The following TFEB variants were observed in gnomAD, a reference collection of about 807,000 sequenced individuals.
The protein encoded by TFEB is transcription factor EB, also known as T-cell transcription factor EB.
A neutral mutation model predicts 48.0 loss-of-function variants in TFEB; 12 were observed. The ratio of observed to expected loss-of-function variants is 0.25; its 90% CI spans 0.16 to 0.40. The LOEUF is 0.40. Among genes scored for constraint, TFEB ranks in the 10% least tolerant of loss-of-function variants. The pLI, the probability that TFEB is intolerant of heterozygous loss-of-function variation, is 1.00. For missense variants in TFEB, 509 were observed against 640.3 expected, an observed-to-expected ratio of 0.79 and a Z score of 2.21; for synonymous variants, 244 against 261.4, an observed-to-expected ratio of 0.93 and a Z score of 0.64.
At chr6:41,715,520 A>T (rs752555596) in intron 1 of TFEB, among the ~76,000 whole-genome samples, 3 of 152,138 alleles carry the variant, frequency 2.0e-5, no homozygotes, top group Non-Finnish European at 4.4e-5. Flanking sequence ...AATTACAAAA[A>T]TTAGCCGGGT....
At chr6:41,709,939 A>T (rs889220785) in intron 1 of TFEB, among the ~76,000 whole-genome samples, 2 of 151,986 alleles carry the variant, frequency 1.3e-5, no homozygotes, top group Non-Finnish European at 2.9e-5. Context: ...AGTGTGTGCC[A>T]CTATGCCCCC....
At chr6:41,728,381 G>A (rs1296789520) in intron 1 of TFEB, among the ~76,000 whole-genome samples, 1 of 152,156 alleles carries the variant, frequency 6.6e-6, no homozygotes, top group Non-Finnish European at 1.5e-5. Context: ...GCTGCCCTCT[G>A]ACACCCCCAG....
At position 41,691,024 on chromosome 6, in the gene TFEB, G is replaced by C; in HGVS notation, c.190C>G (p.Pro64Ala). 1.3e-6 allele frequency: 2 copies of C among 1,576,380 alleles called. No homozygotes were observed. The highest frequency in any genetic ancestry group is 1.7e-6 in the Non-Finnish European group (2 of 1,159,322). Residue 64 changes from proline (P) to alanine (A), a missense_variant, in exon 2 of 9, where the codon CCT becomes GCT. By Grantham distance (27) the Pro-to-Ala change is conservative. Transcript: ENST00000373033. This position sits in a 1 kb window ranked among gnomAD's most constrained non-coding sequence, Gnocchi z 5.2. Reference protein sequence around the residue: ...NTPVHFQSPPPVPGEVLKVQS... With the variant: ...NTPVHFQSPPAVPGEVLKVQS... ...ACCTTCAACACCTCCCCAGGCACAGGTGGTGGCGACTGGAAGTGGACGGGG... is the reference window on the plus strand; with the variant it reads ...ACCTTCAACACCTCCCCAGGCACAGCTGGTGGCGACTGGAAGTGGACGGGG...
At chr6:41,709,739 T>G (rs746908182) in intron 1 of TFEB, among the ~76,000 whole-genome samples, 2 of 152,120 alleles carry the variant, frequency 1.3e-5, no homozygotes, top group Admixed American at 6.5e-5. Flanking sequence ...AGGCACTAGT[T>G]GTCTGCATCG....
chr6:41,710,860 C>G (rs950700902), intron 1 of TFEB, among the ~76,000 whole-genome samples: 1 of 152,174 alleles, frequency 6.6e-6, no homozygotes, highest in African/African-American at 2.4e-5. Context: ...CTCCTCCTCC[C>G]GACAGCACAC....
chr6:41,684,572 T>C lies in TFEB; in HGVS notation c.*27A>G. 1 of 1,524,924 alleles carries C rather than the reference T, an allele frequency of 6.6e-7. No individual in the cohort carries two copies. Among genetic ancestry groups the C allele is most frequent in the Non-Finnish European group, 8.8e-7 (1 of 1,137,994 alleles). 94.5% of individuals were successfully genotyped at this position (1,524,924 alleles called of 1,614,324 possible). On this transcript the variant is annotated 3_prime_UTR_variant, in exon 9 of 9. Coordinates refer to ENST00000373033, the MANE Select transcript of TFEB (RefSeq NM_001271944.2). Reference sequence around the variant, plus strand: ...CCCTCCCAGCCCCCAGGCCGGCCCCTGTTCCCTGGCACAGGGGCAGCCAGG... The same window carrying C: ...CCCTCCCAGCCCCCAGGCCGGCCCCCGTTCCCTGGCACAGGGGCAGCCAGG...
intron 7 of TFEB, 193 bp from the exon 8 acceptor site, chr6:41,686,430 T>C (rs2127445607): frequency 1.7e-6 from 1 of 582,356 alleles, no homozygotes; most frequent in South Asian, 2.6e-5. Context: ...CACTGCCCAC[T>C]TCATTAATCT....
rs1404706934 is a variant in TFEB at position 41,686,216 on chromosome 6, G to T, written c.825C>A (p.Gly275=). The part of the protein sequence containing the change: ...ANDLDVRWNK[G]TILKASVDYI... ...AATCCACAGAGGCCTTGAGGATGGT[G>T]CCCTTGTTCCAGCGCACGTCCCTGC... Residue 275 remains glycine (G), a synonymous_variant, in exon 8 of 9, where the codon GGC becomes GGA. Transcript: ENST00000373033. The T allele has an allele frequency of 1.2e-6, 2 of 1,614,236 alleles. No individual in the cohort carries two copies. Among genetic ancestry groups the T allele is most frequent in the African/African-American group, 1.3e-5 (1 of 75,072 alleles).
At chr6:41,705,190 G>A (rs974740963) in intron 1 of TFEB, among the ~76,000 whole-genome samples, 1 of 152,184 alleles carries the variant, frequency 6.6e-6, no homozygotes, top group African/African-American at 2.4e-5. Flanking sequence ...TGCTCCGCAG[G>A]AGGCCTGGGA....
chr6:41,731,774 C>A (rs532090542), intron 1 of TFEB, among the ~76,000 whole-genome samples: 1 of 152,222 alleles, frequency 6.6e-6, no homozygotes, highest in African/African-American at 2.4e-5. Flanking sequence ...CTGCACTGTA[C>A]GTTAATGGAC....
At chr6:41,687,505 TG>T (rs937496185) in intron 6 of TFEB, among the ~76,000 whole-genome samples, 7 of 152,144 alleles carry the variant, frequency 4.6e-5, no homozygotes, top group African/African-American at 7.2e-5. Flanking sequence ...CCTGATAAAC[TG>T]GGGGTTTCAT....
At position 41,686,539 on chromosome 6, in the gene TFEB, C is replaced by T. The variant is rs984602643; in HGVS notation, c.804-302G>A. ...TTTTTTTTTTTTTTTGAGATGGAGTCTCGTTCTGTTGCCCAGGCTGGAATG... is the reference window on the plus strand; with the variant it reads ...TTTTTTTTTTTTTTTGAGATGGAGTTTCGTTCTGTTGCCCAGGCTGGAATG... On this transcript the variant is annotated intron_variant, in intron 7 of 8. Coordinates refer to ENST00000373033, the MANE Select transcript of TFEB (RefSeq NM_001271944.2). The T allele has an allele frequency of 1.1e-5, 3 of 262,956 alleles. No homozygotes were observed. In the Admixed American group the frequency reaches 1.8e-4, roughly 16 times the overall value. 16.3% of individuals were successfully genotyped at this position (262,956 alleles called of 1,614,324 possible). A position where few individuals can be genotyped will look rare whatever the true frequency, so the allele number is the denominator to read the frequency against.
At chr6:41,694,846 G>A (rs1013998519) in intron 1 of TFEB, among the ~76,000 whole-genome samples, 1 of 151,928 alleles carries the variant, frequency 6.6e-6, no homozygotes, top group African/African-American at 2.4e-5. Context: ...CACTTCCCTG[G>A]AGAGCCTTCT....
rs76432871 is a variant in TFEB at position 41,724,664 on chromosome 6, C to T, written c.-23+10686G>A. On this transcript the variant is annotated intron_variant, in intron 1 of 8. Coordinates refer to ENST00000373033, the MANE Select transcript of TFEB (RefSeq NM_001271944.2). This position sits in a 1 kb window ranked among gnomAD's most constrained non-coding sequence, Gnocchi z 4.4. Reference sequence around the variant, plus strand: ...CTGCAATGGGGCCTCAGATAAGGAACATGATAAATACCTCTTATCACCCCC... The same window carrying T: ...CTGCAATGGGGCCTCAGATAAGGAATATGATAAATACCTCTTATCACCCCC... Among the ~76,000 whole-genome samples the T allele has an allele frequency of 0.11, 16,321 of 152,212 alleles. 1,057 individuals carry two copies. Among genetic ancestry groups the T allele is most frequent in the East Asian group, 0.22 (1,158 of 5,162 alleles).
At chr6:41,716,396 C>A (rs138788850) in intron 1 of TFEB, among the ~76,000 whole-genome samples, 16 of 151,736 alleles carry the variant, frequency 1.1e-4, no homozygotes, top group Admixed American at 3.3e-4. Context: ...GCCAACTGGA[C>A]CCCTGAGGGG....
At chr6:41,716,943 C>T (rs1029999521) in intron 1 of TFEB, among the ~76,000 whole-genome samples, 2 of 152,020 alleles carry the variant, frequency 1.3e-5, no homozygotes, top group African/African-American at 2.4e-5. Flanking sequence ...TCGGCATGCC[C>T]GCGTGCACCC....
At chr6:41,729,080 C>A (rs909776474) in intron 1 of TFEB, among the ~76,000 whole-genome samples, 4 of 152,000 alleles carry the variant, frequency 2.6e-5, no homozygotes, top group African/African-American at 9.7e-5. Context: ...ACACCAATCT[C>A]GCCCCCACTC....
In TFEB at chr6:41,686,229, C is replaced by T. The variant is rs1395304773; in HGVS notation, c.812G>A (p.Arg271His). Residue 271 changes from arginine to histidine, a missense_variant, in exon 8 of 9, where the codon CGC becomes CAC. By Grantham distance (29) the Arg-to-His change is conservative (BLOSUM62 0). Transcript: ENST00000373033. ...CTTGAGGATGGTGCCCTTGTTCCAG[C>T]GCACGTCCCTGCAGCAGCAGGCCAG... The part of the protein sequence containing the change: ...LIPKANDLDV[R>H]WNKGTILKAS... The T allele has an allele frequency of 1.2e-6, 2 of 1,614,076 alleles. No individual in the cohort carries two copies. The highest frequency in any genetic ancestry group is 1.7e-6 in the Non-Finnish European group (2 of 1,179,934).
rs1581947013 is a variant in TFEB, at chr6:41,735,440, C to T, written c.-113G>A. 4.1e-6 allele frequency: 4 copies of T among 985,156 alleles called. No homozygotes were observed. The East Asian group carries it at 4.5e-4, about 112-fold the overall frequency. 61.0% of individuals were successfully genotyped at this position (985,156 alleles called of 1,614,324 possible). ...GGGTGCCTGGCCCGCAAGCTGTGCC[C>T]GCCACCTGCTCCCGGCCTGCTCCGG... On this transcript the variant is annotated 5_prime_UTR_variant, in exon 1 of 9. Coordinates refer to ENST00000373033, the MANE Select transcript of TFEB (RefSeq NM_001271944.2).
Sources: allele counts gnomAD v4.1 joint callset (sites outside exome capture counted in the v4.1 genomes callset), GRCh38; gene constraint gnomAD v4.1.1; non-coding constraint Gnocchi (gnomAD v3.1); transcripts MANE v1.5; gene names NCBI Gene and HGNC (gene_info 2026-07-23, HGNC 2026-07-21).